FBN2: variants seen among roughly 807,000 people sequenced by gnomAD.
FBN2 encodes the protein fibrillin-2.
A neutral mutation model predicts 355.6 loss-of-function variants in FBN2; 105 were observed. That is an observed-to-expected ratio of 0.30 (90% CI 0.25 to 0.35). The LOEUF is 0.35. FBN2 is among the 10% of genes least tolerant of loss of function. The probability of loss-of-function intolerance (pLI) is 1.00; values close to 1 mark genes in which losing one functional copy is unlikely to be tolerated. For synonymous variants in FBN2, 1,350 were observed against 1,301.2 expected (o/e 1.04, Z -0.81); for missense variants, 3,280 against 3,758.7 (o/e 0.87, Z 3.33).
In FBN2 at chr5:128,278,760, T is replaced by G. The variant is rs1303882829; in HGVS notation, c.7220A>C (p.Lys2407Thr). 6.2e-7 allele frequency: 1 copy of G among 1,614,142 alleles called. No individual in the cohort carries two copies. Among genetic ancestry groups the G allele is most frequent in the Admixed American group, 1.7e-5 (1 of 60,022 alleles). Residue 2407 changes from lysine to threonine, a missense_variant, in exon 57 of 65, where the codon AAG becomes ACG. Lys to Thr is a moderately conservative substitution (Grantham distance 78, BLOSUM62 -1). Around this residue, in one of 6 missense-constraint regions of FBN2, gnomAD observed 2,284 missense variants for 2,749.5 expected, o/e 0.83. Coordinates refer to ENST00000262464, the MANE Select transcript of FBN2 (RefSeq NM_001999.4). Reference protein sequence around the residue: ...MASSSRNLVTKSECCCDGGRG... With the variant: ...MASSSRNLVTTSECCCDGGRG... ...CCCACCATCACAGCAGCATTCTGAC[T>G]TAGTGACGAGATTGCGACTACTGGA...
In FBN2 at chr5:128,310,382, ATATATATATATATATATATATTTTTTTTT is replaced by A. The variant is rs1750005524; in HGVS notation, c.5075-303_5075-275del. Among the ~76,000 whole-genome samples, 3 of 12,780 alleles carry A rather than the reference ATATATATATATATATATATATTTTTTTTT, an allele frequency of 2.3e-4. 1 individual carries two copies. Among genetic ancestry groups the A allele is most frequent in the African/African-American group, 1.0e-3 (3 of 2,960 alleles). The allele number at this position is 12,780 out of a possible 152,430, so 8.4% of individuals were successfully genotyped here. On this transcript the variant is annotated intron_variant, in intron 39 of 64. Transcript: ENST00000262464. ...CCTTGGCACATATATATATATATAT[ATATATATATATATATATATATTTTTTTTT>A]TTTTTTTTTTATTGCAATTCGCATT...
At chr5:128,484,121 A>G (rs191942197) in intron 5 of FBN2, among the ~76,000 whole-genome samples, 133 of 152,326 alleles carry the variant, frequency 8.7e-4, no homozygotes, top group Middle Eastern at 3.4e-3. Context: ...AATTATAGCT[A>G]TTTTTCACAA....
intron 4 of FBN2, among the ~76,000 whole-genome samples, chr5:128,525,220 A>G (rs1437039827): frequency 6.6e-6 from 1 of 152,048 alleles, no homozygotes; most frequent in Non-Finnish European, 1.5e-5. Flanking sequence ...TCTAATTTTC[A>G]TTTTTCCCTC....
intron 21 of FBN2, 53 bp from the exon 22 acceptor site, chr5:128,350,058 T>C: frequency 7.2e-7 from 1 of 1,391,448 alleles, no homozygotes; most frequent in Non-Finnish European, 1.0e-6. Flanking sequence ...AATACAACCA[T>C]GGTATGCTCA....
chr5:128,385,539 G>A (rs191856245), intron 11 of FBN2, among the ~76,000 whole-genome samples: 12 of 152,108 alleles, frequency 7.9e-5, no homozygotes, highest in Middle Eastern at 3.4e-3. Context: ...GTGTCTTTAC[G>A]GTAGAACATT....
chr5:128,497,639 G>A (rs184564799), intron 5 of FBN2, among the ~76,000 whole-genome samples: 225 of 152,278 alleles, frequency 1.5e-3, no homozygotes, highest in Middle Eastern at 3.4e-3. Context: ...TGGCAATAAA[G>A]TGTTTTTAAA....
chr5:128,283,258 A>G (rs916317478), intron 55 of FBN2, among the ~76,000 whole-genome samples: 1 of 152,114 alleles, frequency 6.6e-6, no homozygotes, highest in African/African-American at 2.4e-5. Flanking sequence ...TTCACCTATT[A>G]CCCCTGTGGC....
chr5:128,336,059 T>C lies in FBN2; in HGVS notation c.3653A>G (p.Asn1218Ser). The change falls in exon 28 of 65, where the codon AAC becomes AGC. Residue 1218 changes from asparagine (N) to serine (S), a missense_variant. By Grantham distance (46) the Asn-to-Ser change is conservative. Coordinates refer to ENST00000262464, the MANE Select transcript of FBN2 (RefSeq NM_001999.4). ...AGAGCACTGATAGGTTCCAATCATGTTCACACATTTTCCATTTCTGCAGAG... is the reference window on the plus strand; with the variant it reads ...AGAGCACTGATAGGTTCCAATCATGCTCACACATTTTCCATTTCTGCAGAG... Reference protein sequence around the residue: ...DNLCRNGKCVNMIGTYQCSCN... With the variant: ...DNLCRNGKCVSMIGTYQCSCN... 1 of 1,613,664 alleles carries C rather than the reference T, an allele frequency of 6.2e-7. No homozygotes were observed. Among genetic ancestry groups the C allele is most frequent in the South Asian group, 1.1e-5 (1 of 91,064 alleles).
chr5:128,297,121 G>A (rs970431435), intron 48 of FBN2, among the ~76,000 whole-genome samples: 4 of 152,082 alleles, frequency 2.6e-5, no homozygotes, highest in African/African-American at 9.7e-5. Context: ...GGAGCAGGTT[G>A]TTCAGTTTCC....
intron 16 of FBN2, among the ~76,000 whole-genome samples, chr5:128,368,300 A>G (rs909520200): frequency 6.6e-6 from 1 of 151,796 alleles, no homozygotes; most frequent in African/African-American, 2.4e-5. Flanking sequence ...CTATGAACAG[A>G]CAAGAGTCAA....
intron 7 of FBN2, among the ~76,000 whole-genome samples, chr5:128,437,150 A>C (rs1375090367): frequency 6.6e-6 from 1 of 152,216 alleles, no homozygotes; most frequent in Non-Finnish European, 1.5e-5. Context: ...ACTTTGAAGA[A>C]GATACCTGGT....
At chr5:128,272,744 C>A (rs534875317) in intron 61 of FBN2, among the ~76,000 whole-genome samples, 328 of 151,584 alleles carry the variant, frequency 2.2e-3, no homozygotes, top group Middle Eastern at 6.8e-3. Context: ...GAATGACAAC[C>A]GAATATTTGA....
chr5:128,438,149 G>T (rs1229747813), intron 7 of FBN2, among the ~76,000 whole-genome samples: 1 of 152,090 alleles, frequency 6.6e-6, no homozygotes, highest in African/African-American at 2.4e-5. Context: ...ATACTACCAC[G>T]TCTGGCTAAT....
At chr5:128,427,462 G>A (rs966802041) in intron 7 of FBN2, among the ~76,000 whole-genome samples, 4 of 152,146 alleles carry the variant, frequency 2.6e-5, no homozygotes, top group African/African-American at 4.8e-5. Flanking sequence ...CTCAGACCAA[G>A]GGGAACTGAG....
chr5:128,372,232 T>C (rs1751962958), intron 15 of FBN2, among the ~76,000 whole-genome samples: 1 of 152,198 alleles, frequency 6.6e-6, no homozygotes, highest in South Asian at 2.1e-4. Flanking sequence ...TCTTCCTTAC[T>C]TACTAAACTG....
chr5:128,443,670 C>T (rs1753982112), intron 7 of FBN2, among the ~76,000 whole-genome samples: 1 of 152,118 alleles, frequency 6.6e-6, no homozygotes, highest in Non-Finnish European at 1.5e-5. Context: ...TCTGAACAGA[C>T]CTAGTAACTT....
rs549402640 is a variant in FBN2 at position 128,411,532 on chromosome 5, A to G, written c.953-2733T>C. On this transcript the variant is annotated intron_variant, in intron 7 of 64. Transcript: ENST00000262464. ...CCGTCCCCAGCTGAACTCCTCTCCA[A>G]CCGTAGTCTCTGATGTCCAGCTGCC... 2.6e-5 allele frequency among the ~76,000 whole-genome samples: 4 copies of G among 152,298 alleles called. No individual in the cohort carries two copies. In the South Asian group the frequency reaches 8.3e-4, roughly 32 times the overall value.
intron 25 of FBN2, among the ~76,000 whole-genome samples, chr5:128,341,665 C>G (rs1751024319): frequency 6.6e-6 from 1 of 152,206 alleles, no homozygotes; most frequent in African/African-American, 2.4e-5. Flanking sequence ...CTCCCAGTGG[C>G]ATGGGCTGAG....
intron 41 of FBN2, among the ~76,000 whole-genome samples, chr5:128,308,202 C>T (rs755575530): frequency 2.0e-5 from 3 of 152,076 alleles, no homozygotes; most frequent in Admixed American, 1.3e-4. Flanking sequence ...AATACAGACA[C>T]GTCTCTCAAC....
Sources: allele counts gnomAD v4.1 joint callset (sites outside exome capture counted in the v4.1 genomes callset), GRCh38; gene constraint gnomAD v4.1.1; regional missense constraint gnomAD v4.1.1; transcripts MANE v1.5; gene names NCBI Gene and HGNC (gene_info 2026-07-23, HGNC 2026-07-21).